Variants in EXOC6B observed in about 807,000 individuals in gnomAD.
EXOC6B encodes the protein exocyst complex component 6B.
EXOC6B carries 54 observed loss-of-function variants against 113.5 expected under a neutral mutation model. The observed-to-expected ratio is 0.48, with a 90% CI of 0.38 to 0.60. EXOC6B has a LOEUF of 0.60. Ranked by LOEUF, EXOC6B falls within the 20% of genes least tolerant of loss-of-function variation. The probability of loss-of-function intolerance (pLI) is 0.00; values close to 1 mark genes in which losing one functional copy is unlikely to be tolerated. For synonymous variants in EXOC6B, 357 were observed against 339.0 expected, an observed-to-expected ratio of 1.05 and a Z score of -0.58; for missense variants, 797 against 977.5, an observed-to-expected ratio of 0.82 and a Z score of 2.46.
At chr2:72,303,400 A>T (rs766764271) in intron 20 of EXOC6B, among the ~76,000 whole-genome samples, 1 of 152,108 alleles carries the variant, frequency 6.6e-6, no homozygotes, top group Non-Finnish European at 1.5e-5. Flanking sequence ...GCCTCTTTAC[A>T]TAATCCCATA....
chr2:72,519,892 G>C (rs1230932179), intron 8 of EXOC6B, among the ~76,000 whole-genome samples: 1 of 152,128 alleles, frequency 6.6e-6, no homozygotes, highest in Non-Finnish European at 1.5e-5. Context: ...AATGCTTGTA[G>C]AATTAAAGTA....
At chr2:72,732,443 A>G (rs926509889) in intron 3 of EXOC6B, among the ~76,000 whole-genome samples, 12 of 152,142 alleles carry the variant, frequency 7.9e-5, no homozygotes, top group African/African-American at 2.9e-4. Flanking sequence ...ATTAGAGCGT[A>G]TAATCTCAGC....
At chr2:72,419,067 T>G (rs1362018254) in intron 18 of EXOC6B, among the ~76,000 whole-genome samples, 3 of 152,122 alleles carry the variant, frequency 2.0e-5, no homozygotes, top group Non-Finnish European at 4.4e-5. Context: ...CCAGCTTAAC[T>G]TAAGAAATAA....
At chr2:72,798,677 A>G (rs902748108) in intron 1 of EXOC6B, among the ~76,000 whole-genome samples, 1 of 152,134 alleles carries the variant, frequency 6.6e-6, no homozygotes. Context: ...CATATTATAT[A>G]TATTTTTATT....
intron 8 of EXOC6B, among the ~76,000 whole-genome samples, chr2:72,542,020 T>C (rs1310448687): frequency 6.6e-6 from 1 of 152,164 alleles, no homozygotes; most frequent in Non-Finnish European, 1.5e-5. Context: ...TTCTTATAAT[T>C]TCAGGGCAAT....
chr2:72,567,970 A>C (rs1481793987), intron 7 of EXOC6B, among the ~76,000 whole-genome samples: 1 of 152,070 alleles, frequency 6.6e-6, no homozygotes, highest in African/African-American at 2.4e-5. Context: ...ATGAGTTCTA[A>C]AACCAGTGGG....
chr2:72,615,247 A>G (rs1671311852), intron 6 of EXOC6B, among the ~76,000 whole-genome samples: 1 of 152,116 alleles, frequency 6.6e-6, no homozygotes, highest in South Asian at 2.1e-4. Flanking sequence ...TATAATATAC[A>G]TATCAACTAT....
chr2:72,410,646 T>C (rs1205102892), intron 18 of EXOC6B, among the ~76,000 whole-genome samples: 1 of 152,234 alleles, frequency 6.6e-6, no homozygotes, highest in Non-Finnish European at 1.5e-5. Context: ...ACTATATTCA[T>C]GTTGAGTACA....
intron 18 of EXOC6B, among the ~76,000 whole-genome samples, chr2:72,427,830 T>C (rs1695295489): frequency 6.6e-6 from 1 of 152,114 alleles, no homozygotes; most frequent in South Asian, 2.1e-4. Context: ...TGCAGTGCCT[T>C]TTCCAGTCCT....
intron 19 of EXOC6B, among the ~76,000 whole-genome samples, chr2:72,365,353 G>A (rs1690556008): frequency 1.3e-5 from 2 of 152,014 alleles, no homozygotes; most frequent in South Asian, 4.1e-4. Flanking sequence ...AAAAATCCTG[G>A]AAACCTGGAA....
chr2:72,184,292 T>C (rs1003905998), intron 20 of EXOC6B, 105 bp from the exon 21 acceptor site: 9 of 583,056 alleles, frequency 1.5e-5, no homozygotes, highest in Admixed American at 9.4e-5. Context: ...AAATTGGATA[T>C]ATAAAAATTA....
rs1351629752 is a variant in EXOC6B, at chr2:72,577,372, G to A, written c.670-1704C>T. On this transcript the variant is annotated intron_variant, in intron 6 of 21. Transcript: ENST00000272427. ...TATACAAAAAGGGATCAAGGACTCCGGGGCACAAAGGAAGGTAGAACTTCC... is the reference window on the plus strand; with the variant it reads ...TATACAAAAAGGGATCAAGGACTCCAGGGCACAAAGGAAGGTAGAACTTCC... Among the ~76,000 whole-genome samples the A allele has an allele frequency of 4.6e-5, 7 of 151,958 alleles. No homozygotes were observed. In the East Asian group the frequency reaches 7.7e-4, roughly 17 times the overall value.
At chr2:72,674,729 G>T (rs889054478) in intron 6 of EXOC6B, among the ~76,000 whole-genome samples, 1 of 151,998 alleles carries the variant, frequency 6.6e-6, no homozygotes, top group African/African-American at 2.4e-5. Flanking sequence ...TACTCAGGAG[G>T]CAGAGCTTGC....
intron 6 of EXOC6B, among the ~76,000 whole-genome samples, chr2:72,659,526 T>C (rs1488510246): frequency 6.6e-6 from 1 of 152,142 alleles, no homozygotes; most frequent in Non-Finnish European, 1.5e-5. Flanking sequence ...GGAATCTGTA[T>C]CTTGCTATAC....
At chr2:72,411,393 A>G (rs1694177036) in intron 18 of EXOC6B, among the ~76,000 whole-genome samples, 1 of 152,222 alleles carries the variant, frequency 6.6e-6, no homozygotes, top group Admixed American at 6.5e-5. Flanking sequence ...CCAGAATTAC[A>G]TAACAGCTAC....
intron 18 of EXOC6B, among the ~76,000 whole-genome samples, chr2:72,382,170 C>A (rs1439396179): frequency 6.6e-6 from 1 of 152,156 alleles, no homozygotes; most frequent in African/African-American, 2.4e-5. Context: ...TTTAATTAAA[C>A]CCACCAGAGA....
chr2:72,718,919 G>A (rs1348998418), intron 5 of EXOC6B, among the ~76,000 whole-genome samples: 2 of 152,172 alleles, frequency 1.3e-5, no homozygotes, highest in East Asian at 1.9e-4. Context: ...ATAAAATGAA[G>A]TATCCAAGGC....
intron 18 of EXOC6B, among the ~76,000 whole-genome samples, chr2:72,389,875 A>C (rs1322040046): frequency 1.3e-5 from 2 of 152,014 alleles, no homozygotes; most frequent in Non-Finnish European, 2.9e-5. Flanking sequence ...TTTAGTCACT[A>C]TTTCTTCAAA....
chr2:72,515,123 C>T lies in EXOC6B; in HGVS notation c.919G>A (p.Ala307Thr). The change falls in exon 9 of 22, where the codon GCC becomes ACC. Residue 307 changes from alanine to threonine, a missense_variant. Transcript: ENST00000272427. ...TAGTAATTCTCAAATGTTTCCCGGG[C>T]ACCCTGTAAATAAAGAAAAGAAAAT... is the stretch of plus-strand genomic sequence containing the variant. ...RCLHIYSVLG[A>T]RETFENYYRK... The T allele has an allele frequency of 6.3e-7, 1 of 1,598,132 alleles. No homozygotes were observed.
Sources: allele counts gnomAD v4.1 joint callset (sites outside exome capture counted in the v4.1 genomes callset), GRCh38; gene constraint gnomAD v4.1.1; transcripts MANE v1.5; gene names NCBI Gene and HGNC (gene_info 2026-07-23, HGNC 2026-07-21).